DMD: variants seen among roughly 807,000 people sequenced by gnomAD.
DMD encodes the protein mutant dystrophin.
In DMD, 63 loss-of-function variants were observed where a neutral mutation model predicts 330.1. The observed-to-expected ratio is 0.19, with a 90% CI of 0.16 to 0.24. The LOEUF (loss-of-function observed/expected upper bound fraction) is 0.24, where lower values mean the gene tolerates loss of function less well. DMD is among the 10% of genes least tolerant of loss of function. The pLI, the probability that DMD is intolerant of heterozygous loss-of-function variation, is 1.00. For missense variants in DMD, 3,344 were observed against 2,684.1 expected (o/e 1.25, Z -5.43); for synonymous variants, 1,223 against 959.8 (o/e 1.27, Z -5.07).
chrX:32,595,971 C>T (rs376262772), intron 12 of DMD, 95 bp from the exon 13 acceptor site: 2 of 811,864 alleles, frequency 2.5e-6, no homozygotes. Context: ...ATTTCTGCTA[C>T]ATCTCAGGTA....
At chrX:32,034,563 G>C (rs1178055929) in intron 44 of DMD, among the ~76,000 whole-genome samples, 1 of 111,239 alleles carries the variant, frequency 9.0e-6, no homozygotes, top group African/African-American at 3.3e-5. Context: ...TTTTCCTGTA[G>C]AAAACGTATA....
chrX:33,042,427 GTAGAGGGGCA>G (rs2094317056), intron 1 of DMD, among the ~76,000 whole-genome samples: 1 of 112,402 alleles, frequency 8.9e-6, no homozygotes, highest in Non-Finnish European at 1.9e-5. Context: ...GCAGCCTTTT[GTAGAGGGGCA>G]TCAATAGATT....
intron 24 of DMD, among the ~76,000 whole-genome samples, chrX:32,464,010 T>C (rs1243948909): frequency 2.7e-5 from 3 of 111,519 alleles, no homozygotes; most frequent in Admixed American, 9.5e-5. Flanking sequence ...TTAGCTTGTA[T>C]TGTAAAAAAA....
chrX:32,791,814 AT>A (rs1433305406), intron 7 of DMD, among the ~76,000 whole-genome samples: 3 of 112,052 alleles, frequency 2.7e-5, no homozygotes. Flanking sequence ...TAGAAACCCT[AT>A]TTAACAAAAT....
intron 43 of DMD, among the ~76,000 whole-genome samples, chrX:32,250,716 G>C: frequency 8.9e-6 from 1 of 111,975 alleles, no homozygotes; most frequent in East Asian, 2.8e-4. Context: ...TATCACTGCT[G>C]TCTTAAGCTT....
At chrX:31,744,982 G>A (rs1251984983) in intron 51 of DMD, among the ~76,000 whole-genome samples, 2 of 111,697 alleles carry the variant, frequency 1.8e-5, no homozygotes, top group Non-Finnish European at 1.9e-5. Flanking sequence ...GCTCGCACAC[G>A]CAGTTACCCA....
chrX:32,801,526 G>A (rs1468631801), intron 7 of DMD, among the ~76,000 whole-genome samples: 1 of 111,871 alleles, frequency 8.9e-6, no homozygotes, highest in Non-Finnish European at 1.9e-5. Context: ...GATCTCATTT[G>A]TCAATTTTGG....
At chrX:33,139,094 A>C (rs756254180) in intron 1 of DMD, among the ~76,000 whole-genome samples, 14 of 110,531 alleles carry the variant, frequency 1.3e-4, no homozygotes, top group African/African-American at 4.6e-4. Flanking sequence ...GGATCACTTA[A>C]GGCCAGGAGT....
intron 62 of DMD, among the ~76,000 whole-genome samples, chrX:31,309,193 C>A (rs146144862): frequency 8.9e-6 from 1 of 111,786 alleles, no homozygotes; most frequent in Non-Finnish European, 1.9e-5. Flanking sequence ...AAGGCACAAG[C>A]GTTGTCAGAG....
At chrX:32,418,532 C>T (rs1347683544) in intron 29 of DMD, among the ~76,000 whole-genome samples, 2 of 111,353 alleles carry the variant, frequency 1.8e-5, no homozygotes, top group Admixed American at 9.6e-5. Context: ...CACGTGAAAA[C>T]TATTGCTCCT....
chrX:33,032,722 A>T (rs17338981), intron 1 of DMD, among the ~76,000 whole-genome samples: 1,174 of 112,593 alleles, frequency 0.01, 33 homozygotes, highest in East Asian at 0.067. Flanking sequence ...TGTAGAAAAC[A>T]ATTTAAGTGG....
At chrX:31,158,648 G>A (rs958067336) in intron 74 of DMD, among the ~76,000 whole-genome samples, 4 of 111,838 alleles carry the variant, frequency 3.6e-5, no homozygotes, top group Admixed American at 2.8e-4. Flanking sequence ...CCTATGGTAC[G>A]AGAATTATAT....
intron 1 of DMD, among the ~76,000 whole-genome samples, chrX:33,052,511 A>T (rs1035749180): frequency 8.9e-6 from 1 of 111,940 alleles, no homozygotes; most frequent in African/African-American, 3.2e-5. Context: ...TAATAACAAA[A>T]CAGGCAACAA....
At chrX:32,615,813 CTTATG>C (rs901559112) in intron 11 of DMD, among the ~76,000 whole-genome samples, 2 of 111,529 alleles carry the variant, frequency 1.8e-5, no homozygotes, top group African/African-American at 6.5e-5. Flanking sequence ...TTATTAACAT[CTTATG>C]TTATTATGGA....
rs398123899 is a variant in DMD at position 32,491,287 on chromosome X, T to G, written c.2612A>C (p.Lys871Thr). 2.7e-4 allele frequency: 321 copies of G among 1,210,375 alleles called. 3 individuals are homozygous for G. In the East Asian group the frequency reaches 9.2e-3, roughly 35 times the overall value. Residue 871 changes from lysine to threonine, a missense_variant, in exon 20 of 79, where the codon AAA becomes ACA. Coordinates refer to ENST00000357033, the MANE Select transcript of DMD (RefSeq NM_004006.3). ...AGAAGAGATTCTTACCTTACAAATT[T>G]TTAACTGACTTTTAATTGCTGTTGG... ...SEPTAIKSQL[K>T]ICKDEVNRLS...
intron 1 of DMD, among the ~76,000 whole-genome samples, chrX:33,072,568 A>G (rs952298463): frequency 8.9e-6 from 1 of 111,975 alleles, no homozygotes; most frequent in African/African-American, 3.2e-5. Context: ...AATCTTCTCT[A>G]AATAACTTCT....
intron 53 of DMD, among the ~76,000 whole-genome samples, chrX:31,665,365 A>G (rs1311810008): frequency 8.9e-6 from 1 of 112,135 alleles, no homozygotes; most frequent in African/African-American, 3.2e-5. Context: ...GAATGAATTA[A>G]TGTTCTATAA....
At position 32,566,213 on chromosome X, in the gene DMD, GGAAATTAGA is replaced by G. The variant is rs1270530493; in HGVS notation, c.1813-341_1813-333del. Among the ~76,000 whole-genome samples the G allele has an allele frequency of 4.5e-5, 5 of 111,873 alleles. No homozygotes were observed. In the East Asian group the frequency reaches 8.4e-4, roughly 19 times the overall value. ...AAAGGCAAAACAGAGATCAACATGT[GGAAATTAGA>G]AGGCACGGATCTTGGATTTCCCCTT... On this transcript the variant is annotated intron_variant, in intron 15 of 78. Coordinates refer to ENST00000357033, the MANE Select transcript of DMD (RefSeq NM_004006.3).
intron 52 of DMD, among the ~76,000 whole-genome samples, chrX:31,714,967 C>T (rs1306896841): frequency 1.8e-5 from 2 of 110,657 alleles, no homozygotes; most frequent in Non-Finnish European, 3.8e-5. Context: ...CTGTTAGTTG[C>T]CACATGTTGA....
Sources: gnomAD v4.1 joint callset for allele counts (sites outside exome capture counted in the v4.1 genomes callset) on GRCh38, gnomAD v4.1.1 for gene constraint, MANE v1.5 for transcripts, NCBI Gene and HGNC (gene_info 2026-07-23, HGNC 2026-07-21) for gene names.